SH3RF3: variants seen among roughly 807,000 people sequenced by gnomAD.
SH3RF3 encodes SH3 domain containing ring finger 3, also known as E3 ubiquitin-protein ligase SH3RF3.
Under a neutral mutation model 66.3 loss-of-function variants are expected in SH3RF3, and 29 were observed. The observed-to-expected ratio is 0.44, with a 90% confidence interval of 0.33 to 0.60. The LOEUF (loss-of-function observed/expected upper bound fraction) is 0.60. Among genes scored for constraint, SH3RF3 ranks in the 20% least tolerant of loss-of-function variants. The pLI is 0.04. For synonymous variants in SH3RF3, 583 were observed against 532.0 expected (o/e 1.10, Z -1.32); for missense variants, 1,194 against 1,190.9 (o/e 1.00, Z -0.04).
intron 1 of SH3RF3, among the ~76,000 whole-genome samples, chr2:109,205,687 A>G (rs184527095): frequency 7.0e-4 from 106 of 152,330 alleles, no homozygotes; most frequent in African/African-American, 2.4e-3. Context: ...TATCTGCCCT[A>G]GATCTCTGGG....
rs527368585 is a variant in SH3RF3, at chr2:109,376,444, A to G, written c.945+4763A>G. Among the ~76,000 whole-genome samples the G allele has an allele frequency of 3.3e-5, 5 of 152,324 alleles. No homozygotes were observed. The East Asian group carries it at 5.8e-4, about 18-fold the overall frequency. On this transcript the variant is annotated intron_variant, in intron 3 of 9. Coordinates refer to ENST00000309415, the MANE Select transcript of SH3RF3 (RefSeq NM_001099289.3). ...CACAGAGCCTGGGTGGGTGGCTTGC[A>G]TGGAGACTTAGAAGGCATGTTAGCA...
intron 1 of SH3RF3, among the ~76,000 whole-genome samples, chr2:109,249,517 CTT>C (rs58570316): frequency 0.46 from 38,567 of 83,706 alleles, 7,997 homozygotes; most frequent in African/African-American, 0.51. Context: ...TTCATTCTTT[CTT>C]TTTCTTTCTT....
At chr2:109,288,306 T>C (rs1481871724) in intron 1 of SH3RF3, among the ~76,000 whole-genome samples, 1 of 152,230 alleles carries the variant, frequency 6.6e-6, no homozygotes, top group Non-Finnish European at 1.5e-5. Flanking sequence ...TCAGAGTTAT[T>C]GCAGGCATGG....
intron 1 of SH3RF3, among the ~76,000 whole-genome samples, chr2:109,161,843 G>A (rs982180771): frequency 5.9e-5 from 9 of 151,850 alleles, no homozygotes; most frequent in African/African-American, 1.9e-4. Flanking sequence ...ATCGGGCCCC[G>A]TCCAACATTG....
chr2:109,239,124 T>C (rs1679719661), intron 1 of SH3RF3, among the ~76,000 whole-genome samples: 1 of 152,198 alleles, frequency 6.6e-6, no homozygotes. Flanking sequence ...TTTCCGAGTG[T>C]CCCAGAGCTC....
chr2:109,302,604 T>G (rs1681497087), intron 1 of SH3RF3, among the ~76,000 whole-genome samples: 1 of 152,210 alleles, frequency 6.6e-6, no homozygotes, highest in South Asian at 2.1e-4. Flanking sequence ...GTGCTAAATT[T>G]CACTGCTGCG....
At chr2:109,388,014 T>C (rs1675871869) in intron 3 of SH3RF3, among the ~76,000 whole-genome samples, 1 of 152,154 alleles carries the variant, frequency 6.6e-6, no homozygotes. Flanking sequence ...CGACAGAAGC[T>C]TTGTGTCCAT....
intron 3 of SH3RF3, among the ~76,000 whole-genome samples, chr2:109,393,651 AG>A (rs1676061586): frequency 6.6e-6 from 1 of 151,970 alleles, no homozygotes; most frequent in Admixed American, 6.6e-5. Flanking sequence ...ATTTCCACCA[AG>A]ATGTGGGTTT....
chr2:109,469,645 G>T lies in SH3RF3; in HGVS notation c.2148+20156G>T, dbSNP rs139882195. ...CTCAGAGTGACTGAGCACTGGTCTT[G>T]TGTACTTCTGATTAAGGACAAATCC... On this transcript the variant is annotated intron_variant, in intron 8 of 9. Transcript: ENST00000309415. 1.7e-3 allele frequency among the ~76,000 whole-genome samples: 254 copies of T among 152,318 alleles called. 1 individual carries two copies. The highest frequency in any genetic ancestry group is 2.0e-3 in the Non-Finnish European group (134 of 68,030).
chr2:109,390,307 G>A (rs116140838), intron 3 of SH3RF3, among the ~76,000 whole-genome samples: 1,532 of 152,314 alleles, frequency 0.01, 23 homozygotes, highest in African/African-American at 0.035. Flanking sequence ...CCTTATCCCA[G>A]TCTGAAAACT....
intron 1 of SH3RF3, among the ~76,000 whole-genome samples, chr2:109,259,698 G>T (rs1680305786): frequency 6.6e-6 from 1 of 152,248 alleles, no homozygotes; most frequent in Admixed American, 6.5e-5. Context: ...TACGGAAGAA[G>T]AATTTGTTTT....
At chr2:109,312,553 A>T (rs1473526931) in intron 1 of SH3RF3, among the ~76,000 whole-genome samples, 4 of 151,952 alleles carry the variant, frequency 2.6e-5, no homozygotes, top group African/African-American at 9.7e-5. Flanking sequence ...TCCTGGCCCC[A>T]GGCCACCACA....
intron 1 of SH3RF3, among the ~76,000 whole-genome samples, chr2:109,254,201 C>T (rs773672188): frequency 5.9e-5 from 9 of 152,172 alleles, no homozygotes; most frequent in Non-Finnish European, 1.3e-4. Context: ...ATTTTATAGA[C>T]TTCTTCACTC....
At chr2:109,428,306 T>A (rs1677092380) in intron 5 of SH3RF3, among the ~76,000 whole-genome samples, 3 of 152,268 alleles carry the variant, frequency 2.0e-5, no homozygotes, top group Non-Finnish European at 4.4e-5. Context: ...TTACTCTGAT[T>A]AGAGCGGAAG....
chr2:109,206,771 G>A (rs1678851084), intron 1 of SH3RF3, among the ~76,000 whole-genome samples: 1 of 152,164 alleles, frequency 6.6e-6, no homozygotes, highest in Non-Finnish European at 1.5e-5. Flanking sequence ...AGCTATGATT[G>A]TGCCACTGCA....
chr2:109,482,160 C>G (rs1678852130), intron 8 of SH3RF3, among the ~76,000 whole-genome samples: 1 of 152,140 alleles, frequency 6.6e-6, no homozygotes, highest in Non-Finnish European at 1.5e-5. Context: ...GTCTCTTGTT[C>G]AGCATCTCAG....
chr2:109,262,097 G>T (rs1680371060), intron 1 of SH3RF3, among the ~76,000 whole-genome samples: 1 of 152,170 alleles, frequency 6.6e-6, no homozygotes, highest in Non-Finnish European at 1.5e-5. Context: ...AAGCCCACAG[G>T]TGCCCTCGGC....
chr2:109,392,066 T>G (rs1042779702), intron 3 of SH3RF3, among the ~76,000 whole-genome samples: 1 of 152,146 alleles, frequency 6.6e-6, no homozygotes, highest in African/African-American at 2.4e-5. Flanking sequence ...TCAGCCTGCC[T>G]CGGCCTCCCA....
At chr2:109,379,267 C>A (rs1486423214) in intron 3 of SH3RF3, among the ~76,000 whole-genome samples, 1 of 152,210 alleles carries the variant, frequency 6.6e-6, no homozygotes, top group Non-Finnish European at 1.5e-5. Flanking sequence ...GTCAGAGGTT[C>A]CCCAGGGCTC....
Sources: gnomAD v4.1 joint callset for allele counts (sites outside exome capture counted in the v4.1 genomes callset) on GRCh38, gnomAD v4.1.1 for gene constraint, MANE v1.5 for transcripts, NCBI Gene and HGNC (gene_info 2026-07-23, HGNC 2026-07-21) for gene names.